Variants in AFG1L observed in about 807,000 individuals in gnomAD.
The protein encoded by AFG1L is AFG1-like ATPase.
AFG1L carries 53 observed loss-of-function variants against 62.2 expected under a neutral mutation model. That is an observed-to-expected ratio of 0.85 (90% CI 0.68 to 1.07). AFG1L has a LOEUF of 1.07. Among genes scored for constraint, AFG1L ranks in the 50% least tolerant of loss-of-function variants. The pLI is 0.00. For synonymous variants in AFG1L, 228 were observed against 210.3 expected (o/e 1.08, Z -0.73); for missense variants, 555 against 590.5 (o/e 0.94, Z 0.62).
intron 1 of AFG1L, among the ~76,000 whole-genome samples, chr6:108,308,637 C>T (rs1216293613): frequency 1.3e-5 from 2 of 152,054 alleles, no homozygotes; most frequent in African/African-American, 4.8e-5. Flanking sequence ...TTTTAGCTTT[C>T]CAAGTAGCTA....
intron 1 of AFG1L, among the ~76,000 whole-genome samples, chr6:108,317,363 A>G (rs1259512120): frequency 6.6e-6 from 1 of 151,902 alleles, no homozygotes; most frequent in Middle Eastern, 3.2e-3. Context: ...GGCACTGTTG[A>G]TTGGTTGGGG....
At chr6:108,304,740 A>T (rs550328706) in intron 1 of AFG1L, among the ~76,000 whole-genome samples, 93 of 152,332 alleles carry the variant, frequency 6.1e-4, no homozygotes, top group African/African-American at 2.2e-3. Flanking sequence ...TTAACTAAGC[A>T]TGTGTTCTTT....
chr6:108,348,806 C>A (rs1425047908), intron 3 of AFG1L, among the ~76,000 whole-genome samples: 17 of 152,172 alleles, frequency 1.1e-4, no homozygotes, highest in Non-Finnish European at 2.9e-5. Context: ...CATATTAAGT[C>A]ATCGCTAAAA....
intron 8 of AFG1L, among the ~76,000 whole-genome samples, chr6:108,456,121 G>A (rs1772242940): frequency 6.6e-6 from 1 of 152,054 alleles, no homozygotes; most frequent in African/African-American, 2.4e-5. Flanking sequence ...TCTGTTATTA[G>A]GTATATAAAT....
intron 5 of AFG1L, among the ~76,000 whole-genome samples, chr6:108,358,753 C>T (rs10223582): frequency 6.6e-5 from 10 of 152,230 alleles, no homozygotes; most frequent in South Asian, 2.1e-4. Context: ...AGGCTGGTCG[C>T]GAACTCCTCA....
intron 1 of AFG1L, among the ~76,000 whole-genome samples, chr6:108,304,150 CCTAA>C (rs898729341): frequency 2.0e-5 from 3 of 152,080 alleles, no homozygotes; most frequent in African/African-American, 7.2e-5. Flanking sequence ...TTTTAAAGCC[CCTAA>C]CTAAGCCTTT....
intron 7 of AFG1L, among the ~76,000 whole-genome samples, chr6:108,440,926 C>G (rs760765495): frequency 2.6e-5 from 4 of 151,898 alleles, no homozygotes; most frequent in Non-Finnish European, 5.9e-5. Context: ...TCAAGAAAAA[C>G]ACTAATAATT....
chr6:108,305,679 C>T (rs913558657), intron 1 of AFG1L, among the ~76,000 whole-genome samples: 1 of 152,132 alleles, frequency 6.6e-6, no homozygotes, highest in Non-Finnish European at 1.5e-5. Context: ...GCAGTGCGCC[C>T]GCCTCAGCCT....
chr6:108,425,770 T>G (rs1016929316), intron 7 of AFG1L, among the ~76,000 whole-genome samples: 1 of 152,158 alleles, frequency 6.6e-6, no homozygotes, highest in Non-Finnish European at 1.5e-5. Context: ...AAGGAACTCT[T>G]TATCTTTCTT....
intron 7 of AFG1L, among the ~76,000 whole-genome samples, chr6:108,433,864 A>G (rs1225244904): frequency 6.6e-6 from 1 of 152,176 alleles, no homozygotes; most frequent in Non-Finnish European, 1.5e-5. Context: ...AATTGCTGAG[A>G]TTACAGGCGT....
chr6:108,476,846 ATT>A lies in AFG1L; in HGVS notation c.891-18_891-17del. On this transcript the variant is annotated splice_polypyrimidine_tract_variant and intron_variant, in intron 8 of 12. Coordinates refer to ENST00000368977, the MANE Select transcript of AFG1L (RefSeq NM_145315.5). ...TCAAGTGTTATTAATTTCATATTCT[ATT>A]ATTCTTTTCACTGTAGCACAAGTGA... 6.3e-7 allele frequency: 1 copy of A among 1,592,210 alleles called. No individual in the cohort carries two copies. The highest frequency in any genetic ancestry group is 8.6e-7 in the Non-Finnish European group (1 of 1,160,170).
chr6:108,360,655 A>G (rs1779490217), intron 5 of AFG1L, among the ~76,000 whole-genome samples: 1 of 152,234 alleles, frequency 6.6e-6, no homozygotes, highest in South Asian at 2.1e-4. Context: ...ACCCAGTGTT[A>G]GCAGAGCCAG....
chr6:108,371,927 T>C (rs1347925033), intron 6 of AFG1L, among the ~76,000 whole-genome samples: 1 of 151,316 alleles, frequency 6.6e-6, no homozygotes, highest in African/African-American at 2.4e-5. Flanking sequence ...CAACTAATTT[T>C]TAATTTTTTT....
At chr6:108,517,240 T>A (rs992115824) in intron 11 of AFG1L, among the ~76,000 whole-genome samples, 5 of 152,318 alleles carry the variant, frequency 3.3e-5, no homozygotes, top group Admixed American at 2.6e-4. Context: ...TCACACTACC[T>A]GACTTCAAAC....
intron 8 of AFG1L, among the ~76,000 whole-genome samples, chr6:108,457,620 T>C (rs1772302986): frequency 6.6e-6 from 1 of 152,040 alleles, no homozygotes; most frequent in Non-Finnish European, 1.5e-5. Flanking sequence ...CAGTCAATAA[T>C]CCTTTAAAGA....
intron 7 of AFG1L, among the ~76,000 whole-genome samples, chr6:108,436,109 CAA>C (rs1166827285): frequency 6.6e-6 from 1 of 152,016 alleles, no homozygotes; most frequent in Non-Finnish European, 1.5e-5. Flanking sequence ...AACAGCTACA[CAA>C]AGTTTCTTGA....
intron 1 of AFG1L, among the ~76,000 whole-genome samples, chr6:108,299,608 G>T (rs1380909500): frequency 6.6e-6 from 1 of 152,090 alleles, no homozygotes; most frequent in African/African-American, 2.4e-5. Flanking sequence ...ATGAGGTATT[G>T]GGAGCCATGA....
At chr6:108,480,963 G>A (rs778462657) in intron 10 of AFG1L, among the ~76,000 whole-genome samples, 20 of 152,108 alleles carry the variant, frequency 1.3e-4, no homozygotes, top group Non-Finnish European at 2.2e-4. Flanking sequence ...ACCTTAGTAC[G>A]GACCTGCCCA....
intron 5 of AFG1L, among the ~76,000 whole-genome samples, chr6:108,361,858 A>G (rs543992865): frequency 2.6e-5 from 4 of 152,080 alleles, no homozygotes; most frequent in Non-Finnish European, 5.9e-5. Flanking sequence ...CTTTTTTCCC[A>G]TATCATATAT....
Sources: gnomAD v4.1 joint callset for allele counts (sites outside exome capture counted in the v4.1 genomes callset) on GRCh38, gnomAD v4.1.1 for gene constraint, MANE v1.5 for transcripts, NCBI Gene and HGNC (gene_info 2026-07-23, HGNC 2026-07-21) for gene names.